Variants in ANKHD1 observed in about 807,000 individuals in gnomAD.
The protein encoded by ANKHD1 is ankyrin repeat and KH domain containing 1.
In ANKHD1, 31 loss-of-function variants were observed where a neutral mutation model predicts 230.5. That is an observed-to-expected ratio of 0.13 (90% CI 0.10 to 0.18). The LOEUF is 0.18. Ranked by LOEUF, ANKHD1 falls within the 10% of genes least tolerant of loss-of-function variation. The probability of loss-of-function intolerance (pLI) is 1.00; values close to 1 mark genes in which losing one functional copy is unlikely to be tolerated. For missense variants in ANKHD1, 2,256 were observed against 3,071.3 expected (o/e 0.73, Z 6.27); for synonymous variants, 1,074 against 1,117.6 (o/e 0.96, Z 0.78).
chr5:140,452,234 G>T (rs1774804833), intron 7 of ANKHD1, among the ~76,000 whole-genome samples: 1 of 152,184 alleles, frequency 6.6e-6, no homozygotes, highest in African/African-American at 2.4e-5. Context: ...AGCTCAAACT[G>T]GGTGGAGCCC....
intron 10 of ANKHD1, among the ~76,000 whole-genome samples, chr5:140,481,288 A>G (rs1751264592): frequency 6.6e-6 from 1 of 152,088 alleles, no homozygotes; most frequent in Admixed American, 6.5e-5. Flanking sequence ...AATTGCCAGA[A>G]TGTTAGATTT....
intron 1 of ANKHD1, among the ~76,000 whole-genome samples, chr5:140,428,698 A>G (rs1160360128): frequency 1.3e-5 from 2 of 152,224 alleles, no homozygotes; most frequent in African/African-American, 2.4e-5. Context: ...GAACTTTTTC[A>G]TAGCTCCAGT....
chr5:140,537,112 GT>G (rs1754121312), intron 30 of ANKHD1: 1 of 272,430 alleles, frequency 3.7e-6, no homozygotes, highest in Admixed American at 5.3e-5. Flanking sequence ...TTCTAGCATT[GT>G]TTAGTTCAAT....
intron 10 of ANKHD1, 86 bp from the exon 11 acceptor site, chr5:140,482,494 T>C: frequency 6.9e-7 from 1 of 1,458,972 alleles, no homozygotes; most frequent in Non-Finnish European, 9.3e-7. Flanking sequence ...TAAATCCTCG[T>C]TATTTCTCAT....
At chr5:140,467,277 T>G (rs183460989) in intron 10 of ANKHD1, among the ~76,000 whole-genome samples, 2 of 152,346 alleles carry the variant, frequency 1.3e-5, no homozygotes, top group East Asian at 3.9e-4. Flanking sequence ...TCTATATGTA[T>G]AACTTTTTAC....
At chr5:140,504,734 A>G (rs1752473424) in intron 15 of ANKHD1, 87 bp from the exon 16 acceptor site, 3 of 1,511,078 alleles carry the variant, frequency 2.0e-6, no homozygotes, top group South Asian at 2.6e-5. Context: ...TATTACTGCT[A>G]TGGAAATTTC....
rs960560169 is a variant in ANKHD1 at position 140,527,849 on chromosome 5, T to C, written c.5088-24T>C. ...TAAAGAGACATTTAATTTCATAAGCTCATGTGTATTCTTCATTTTATAGGT... is the reference window on the plus strand; with the variant it reads ...TAAAGAGACATTTAATTTCATAAGCCCATGTGTATTCTTCATTTTATAGGT... On this transcript the variant is annotated intron_variant, in intron 27 of 33. Coordinates refer to ENST00000360839, the MANE Select transcript of ANKHD1 (RefSeq NM_017747.3). This position sits in a 1 kb window ranked among gnomAD's most constrained non-coding sequence, Gnocchi z 4.5. 18 of 1,599,804 alleles carry C rather than the reference T, an allele frequency of 1.1e-5. No individual in the cohort carries two copies. The highest frequency in any genetic ancestry group is 1.4e-5 in the Non-Finnish European group (16 of 1,173,352).
chr5:140,449,254 T>C lies in ANKHD1; in HGVS notation c.1191T>C (p.Asp397=). ...MVRFLLEAGA[D]QEHKTDEMHT... ...GCTTTCTACTTGAAGCTGGTGCAGA[T>C]CAAGAGCACAAAACAGATGAGATGC... is the stretch of plus-strand genomic sequence containing the variant. The change falls in exon 7 of 34, where the codon GAT becomes GAC. Residue 397 remains aspartate, a synonymous_variant. Transcript: ENST00000360839. 1 of 1,613,848 alleles carries C rather than the reference T, an allele frequency of 6.2e-7. No individual in the cohort carries two copies. The highest frequency in any genetic ancestry group is 8.5e-7 in the Non-Finnish European group (1 of 1,179,866).
chr5:140,417,906 C>T lies in ANKHD1; in HGVS notation c.306+15633C>T, dbSNP rs1005788991. On this transcript the variant is annotated intron_variant, in intron 1 of 33. Coordinates refer to ENST00000360839, the MANE Select transcript of ANKHD1 (RefSeq NM_017747.3). ...TCAGGCTGGAGTGGAGTGGCACAGT[C>T]TTGGCTCACTGCAACCTCCGCCTCC... Among the ~76,000 whole-genome samples the T allele has an allele frequency of 1.5e-5, 2 of 136,150 alleles. 1 individual carries two copies. The highest frequency in any genetic ancestry group is 3.0e-5 in the Non-Finnish European group (2 of 65,980). 89.3% of individuals were successfully genotyped at this position (136,150 alleles called of 152,430 possible).
At chr5:140,519,457 C>T (rs1192400084) in intron 24 of ANKHD1, among the ~76,000 whole-genome samples, 1 of 152,114 alleles carries the variant, frequency 6.6e-6, no homozygotes, top group Non-Finnish European at 1.5e-5. Flanking sequence ...CAAAAAAGAG[C>T]CCACATCGCC....
intron 26 of ANKHD1, 69 bp downstream of exon 26, chr5:140,526,512 G>A (rs1753611629): frequency 2.0e-6 from 3 of 1,517,092 alleles, no homozygotes; most frequent in Non-Finnish European, 2.6e-6. Context: ...AGAATTTGAA[G>A]TATATTAATC....
intron 1 of ANKHD1, among the ~76,000 whole-genome samples, chr5:140,425,644 C>T (rs1400029068): frequency 6.6e-6 from 1 of 152,072 alleles, no homozygotes; most frequent in Non-Finnish European, 1.5e-5. Flanking sequence ...CCTTGAAAAG[C>T]TTTTATGTTA....
At position 140,539,441 on chromosome 5, in the gene ANKHD1, G is replaced by A. The variant is rs1392295538; in HGVS notation, c.*23G>A. 1.2e-6 allele frequency: 2 copies of A among 1,606,236 alleles called. No homozygotes were observed. Among genetic ancestry groups the A allele is most frequent in the African/African-American group, 1.3e-5 (1 of 74,476 alleles). On this transcript the variant is annotated 3_prime_UTR_variant, in exon 34 of 34. Transcript: ENST00000360839. ...TAAGTTAGAAGGTCTTTACTCTTTA[G>A]CCTTGTTTAAGAAACCTATGACCTT...
chr5:140,475,371 A>T (rs553882661), intron 10 of ANKHD1, among the ~76,000 whole-genome samples: 1 of 152,308 alleles, frequency 6.6e-6, no homozygotes, highest in East Asian at 1.9e-4. Flanking sequence ...AGGAATAGGG[A>T]ATGAATGCAT....
chr5:140,503,455 G>A (rs1752390627), intron 15 of ANKHD1, among the ~76,000 whole-genome samples: 1 of 150,640 alleles, frequency 6.6e-6, no homozygotes, highest in African/African-American at 2.4e-5. Flanking sequence ...CCCTGAGATA[G>A]GTCCTGTTTC....
chr5:140,512,377 A>G (rs1752809555), intron 22 of ANKHD1, among the ~76,000 whole-genome samples: 1 of 152,186 alleles, frequency 6.6e-6, no homozygotes, highest in Non-Finnish European at 1.5e-5. Context: ...TAGTTAGTGA[A>G]GTAGAGGCAA....
At chr5:140,408,535 G>GT (rs1489064767) in intron 1 of ANKHD1, among the ~76,000 whole-genome samples, 4 of 152,098 alleles carry the variant, frequency 2.6e-5, no homozygotes, top group African/African-American at 9.7e-5. Context: ...CACAAGCTTT[G>GT]TAGGGATTCC....
At chr5:140,538,316 C>A (rs1754166338) in intron 32 of ANKHD1, 55 bp downstream of exon 32, 1 of 1,594,122 alleles carries the variant, frequency 6.3e-7, no homozygotes, top group Admixed American at 1.7e-5. Context: ...CCAATGTAGT[C>A]ACATTAAGGA....
At position 140,529,775 on chromosome 5, in the gene ANKHD1, C is replaced by T; in HGVS notation, c.6829C>T (p.Arg2277Ter). 6.2e-7 allele frequency: 1 copy of T among 1,614,004 alleles called. No individual in the cohort carries two copies. The highest frequency in any genetic ancestry group is 8.5e-7 in the Non-Finnish European group (1 of 1,179,982). ...ACCTGGCTTCAGACCACCTTCCCAG[C>T]GAGTTTCTACTAGTCCAGTTGGTAA... The part of the protein sequence containing the change: ...KAPGFRPPSQ[R>*]VSTSPVGLPS... The change falls in exon 29 of 34, where the codon CGA becomes TGA. Residue 2277 changes from arginine (R) to a stop codon, truncating the protein, a stop_gained. Transcript: ENST00000360839. LOFTEE classifies it high-confidence loss of function.
Sources: gnomAD v4.1 joint callset for allele counts (sites outside exome capture counted in the v4.1 genomes callset) on GRCh38, gnomAD v4.1.1 for gene constraint, Gnocchi (gnomAD v3.1) non-coding constraint, MANE v1.5 for transcripts, NCBI Gene and HGNC (gene_info 2026-07-23, HGNC 2026-07-21) for gene names.